Variants in NBEA observed in about 807,000 individuals in gnomAD.
The protein encoded by NBEA is neurobeachin.
Under a neutral mutation model 343.4 loss-of-function variants are expected in NBEA, and 44 were observed. The ratio of observed to expected loss-of-function variants is 0.13; its 90% CI spans 0.10 to 0.16. NBEA has a LOEUF of 0.16. Among genes scored for constraint, NBEA ranks in the 10% least tolerant of loss-of-function variants. The probability of loss-of-function intolerance (pLI) is 1.00; values close to 1 mark genes in which losing one functional copy is unlikely to be tolerated. For missense variants in NBEA, 2,555 were observed against 3,631.3 expected, an observed-to-expected ratio of 0.70 and a Z score of 7.62; for synonymous variants, 1,175 against 1,238.7, an observed-to-expected ratio of 0.95 and a Z score of 1.08.
intron 1 of NBEA, among the ~76,000 whole-genome samples, chr13:35,002,758 T>A (rs1242461049): frequency 6.6e-6 from 1 of 152,208 alleles, no homozygotes; most frequent in Non-Finnish European, 1.5e-5. Flanking sequence ...TCCTGTAGTA[T>A]ACAAATCTGT....
intron 34 of NBEA, among the ~76,000 whole-genome samples, chr13:35,257,549 T>C (rs1262801252): frequency 1.3e-5 from 2 of 152,190 alleles, no homozygotes; most frequent in Non-Finnish European, 2.9e-5. Flanking sequence ...ACAGTTTCCA[T>C]TTTTACACAA....
At chr13:35,170,081 C>T (rs552025388) in intron 25 of NBEA, among the ~76,000 whole-genome samples, 2 of 151,798 alleles carry the variant, frequency 1.3e-5, no homozygotes, top group African/African-American at 4.8e-5. Context: ...TTATATAATG[C>T]TTGTAGTAGC....
chr13:35,422,983 G>A (rs1351717154), intron 38 of NBEA, among the ~76,000 whole-genome samples: 1 of 151,938 alleles, frequency 6.6e-6, no homozygotes, highest in Non-Finnish European at 1.5e-5. Flanking sequence ...TCGCCCATTT[G>A]TTGATGGGGT....
At chr13:35,259,281 G>A (rs751438696) in intron 34 of NBEA, among the ~76,000 whole-genome samples, 3 of 152,106 alleles carry the variant, frequency 2.0e-5, no homozygotes, top group African/African-American at 7.2e-5. Flanking sequence ...TTATTACTAT[G>A]TTGTTTAATA....
At chr13:35,161,172 T>A (rs2069531561) in intron 22 of NBEA, among the ~76,000 whole-genome samples, 1 of 151,988 alleles carries the variant, frequency 6.6e-6, no homozygotes, top group Non-Finnish European at 1.5e-5. Flanking sequence ...TCGTGCGTTG[T>A]TTATTGAACA....
intron 1 of NBEA, among the ~76,000 whole-genome samples, chr13:34,949,929 A>G (rs981591405): frequency 6.6e-6 from 1 of 152,172 alleles, no homozygotes; most frequent in Non-Finnish European, 1.5e-5. Context: ...ATGGATATTT[A>G]AGTAGTTATA....
At chr13:35,181,716 G>A (rs912235046) in intron 28 of NBEA, among the ~76,000 whole-genome samples, 4 of 151,540 alleles carry the variant, frequency 2.6e-5, no homozygotes, top group African/African-American at 9.7e-5. Context: ...TTGGGTTCTT[G>A]GTCATGAAAT....
intron 38 of NBEA, among the ~76,000 whole-genome samples, chr13:35,406,143 A>AT (rs2043257419): frequency 6.6e-6 from 1 of 151,966 alleles, no homozygotes; most frequent in Non-Finnish European, 1.5e-5. Flanking sequence ...AAAACAAATC[A>AT]TTTCTCTCTT....
chr13:35,083,508 T>C (rs942893724), intron 10 of NBEA, among the ~76,000 whole-genome samples: 47 of 152,082 alleles, frequency 3.1e-4, no homozygotes, highest in Admixed American at 1.5e-3. Flanking sequence ...CCAGCCAAAC[T>C]AAGCTTCATA....
intron 34 of NBEA, among the ~76,000 whole-genome samples, chr13:35,259,299 A>G (rs1300938131): frequency 6.6e-6 from 1 of 152,198 alleles, no homozygotes; most frequent in Non-Finnish European, 1.5e-5. Context: ...ATAATGAACT[A>G]CATTGACTGC....
chr13:35,531,307 A>G (rs568963796), intron 41 of NBEA, among the ~76,000 whole-genome samples: 1 of 152,320 alleles, frequency 6.6e-6, no homozygotes, highest in Non-Finnish European at 1.5e-5. Context: ...TCCTACTATC[A>G]TAGTTGCTGA....
chr13:35,187,441 A>G (rs1156685228), intron 30 of NBEA, among the ~76,000 whole-genome samples: 1 of 150,444 alleles, frequency 6.6e-6, no homozygotes, highest in Non-Finnish European at 1.5e-5. Context: ...CAACATAGTA[A>G]CAGTAAGTAT....
At chr13:35,245,144 G>A (rs1593910079) in intron 34 of NBEA, among the ~76,000 whole-genome samples, 1 of 152,034 alleles carries the variant, frequency 6.6e-6, no homozygotes, top group Non-Finnish European at 1.5e-5. Context: ...CCATTTGCAT[G>A]GAATGTCCTT....
intron 25 of NBEA, 55 bp from the exon 26 acceptor site, chr13:35,171,217 A>G (rs1043382222): frequency 2.5e-5 from 34 of 1,386,424 alleles, no homozygotes; most frequent in Non-Finnish European, 3.2e-5. Flanking sequence ...TATATGTATT[A>G]TATTTCCAAA....
chr13:35,317,044 C>T (rs2037786916), intron 36 of NBEA, among the ~76,000 whole-genome samples: 1 of 152,058 alleles, frequency 6.6e-6, no homozygotes, highest in Non-Finnish European at 1.5e-5. Context: ...CAAAAATTTT[C>T]TCCCATGCTG....
chr13:35,098,998 T>A (rs1462966248), intron 11 of NBEA, among the ~76,000 whole-genome samples: 1 of 151,472 alleles, frequency 6.6e-6, no homozygotes, highest in Non-Finnish European at 1.5e-5. Flanking sequence ...GTACTGTAGT[T>A]GTTTCTTTGC....
rs527569177 is a variant in NBEA at position 35,026,329 on chromosome 13, C to T, written c.295-14604C>T. ...GTATTTCTTCATAGCAGTGTGAGAACAGACTAATATAGAGCCTCCTTGTAA... is the reference window on the plus strand; with the variant it reads ...GTATTTCTTCATAGCAGTGTGAGAATAGACTAATATAGAGCCTCCTTGTAA... On this transcript the variant is annotated intron_variant, in intron 1 of 58. Transcript: ENST00000379939. Among the ~76,000 whole-genome samples, 4 of 152,238 alleles carry T rather than the reference C, an allele frequency of 2.6e-5. No homozygotes were observed. In the East Asian group the frequency reaches 5.8e-4, roughly 22 times the overall value.
At chr13:35,076,735 G>T (rs370665321) in intron 10 of NBEA, among the ~76,000 whole-genome samples, 1 of 152,056 alleles carries the variant, frequency 6.6e-6, no homozygotes, top group East Asian at 1.9e-4. Flanking sequence ...CACTAAATTT[G>T]TTGCCTTAAT....
intron 38 of NBEA, among the ~76,000 whole-genome samples, chr13:35,393,355 G>C (rs887606077): frequency 2.0e-5 from 3 of 151,972 alleles, no homozygotes; most frequent in Admixed American, 2.0e-4. Context: ...ATTATAAGAA[G>C]TACAATACTC....
Sources: gnomAD v4.1 joint callset for allele counts (sites outside exome capture counted in the v4.1 genomes callset) on GRCh38, gnomAD v4.1.1 for gene constraint, MANE v1.5 for transcripts, NCBI Gene and HGNC (gene_info 2026-07-23, HGNC 2026-07-21) for gene names.